MRPL1: variants seen among roughly 807,000 people sequenced by gnomAD.
The protein encoded by MRPL1 is mitochondrial ribosomal protein L1, also known as large ribosomal subunit protein uL1m.
A neutral mutation model predicts 38.0 loss-of-function variants in MRPL1; 28 were observed. The observed-to-expected ratio is 0.74, with a 90% CI of 0.55 to 1.01. The LOEUF is 1.01. Among genes scored for constraint, MRPL1 ranks in the 50% least tolerant of loss-of-function variants. The probability of loss-of-function intolerance (pLI) is 0.00; values close to 1 mark genes in which losing one functional copy is unlikely to be tolerated. For synonymous variants in MRPL1, 123 were observed against 126.7 expected (o/e 0.97, Z 0.20); for missense variants, 358 against 389.8 (o/e 0.92, Z 0.69).
chr4:77,909,200 C>G, intron 6 of MRPL1, 66 bp from the exon 7 acceptor site: 2 of 971,480 alleles, frequency 2.1e-6, no homozygotes, highest in Non-Finnish European at 3.3e-6. Flanking sequence ...ATATGTGTTT[C>G]TTTTATTCAG....
At chr4:77,885,582 G>C (rs983429330) in intron 4 of MRPL1, among the ~76,000 whole-genome samples, 2 of 152,134 alleles carry the variant, frequency 1.3e-5, no homozygotes, top group African/African-American at 2.4e-5. Context: ...GGCCGGGGTA[G>C]TCTTGATCTC....
At chr4:77,913,745 C>A (rs759097833) in intron 7 of MRPL1, among the ~76,000 whole-genome samples, 3 of 152,144 alleles carry the variant, frequency 2.0e-5, no homozygotes, top group African/African-American at 4.8e-5. Flanking sequence ...TCCAAATGTT[C>A]ACTGCAGGTG....
chr4:77,917,107 T>G (rs549967755), intron 7 of MRPL1, among the ~76,000 whole-genome samples: 2 of 152,314 alleles, frequency 1.3e-5, no homozygotes, highest in Admixed American at 6.5e-5. Context: ...GTTATTCTCT[T>G]TTACCCCTTA....
intron 7 of MRPL1, among the ~76,000 whole-genome samples, chr4:77,912,587 T>C (rs1214278134): frequency 6.6e-6 from 1 of 152,138 alleles, no homozygotes; most frequent in Non-Finnish European, 1.5e-5. Context: ...TATACCTTGT[T>C]TATGGATCAG....
chr4:77,933,337 T>G (rs1736890863), intron 7 of MRPL1, among the ~76,000 whole-genome samples: 1 of 152,120 alleles, frequency 6.6e-6, no homozygotes, highest in Admixed American at 6.5e-5. Flanking sequence ...CTCTGAGGGC[T>G]AGTTGGCCCT....
rs116290575 is a variant in MRPL1 at position 77,875,923 on chromosome 4, C to T, written c.143+4068C>T. On this transcript the variant is annotated intron_variant, in intron 2 of 8. Coordinates refer to ENST00000315567, the MANE Select transcript of MRPL1 (RefSeq NM_020236.4). ...GTGAGTAGTGCCAGTTTTCCACATGCCTAACAACCTTGGATACCATCAATC... is the reference window on the plus strand; with the variant it reads ...GTGAGTAGTGCCAGTTTTCCACATGTCTAACAACCTTGGATACCATCAATC... Among the ~76,000 whole-genome samples the T allele has an allele frequency of 5.4e-3, 818 of 152,182 alleles. 7 individuals carry two copies. Among genetic ancestry groups the T allele is most frequent in the African/African-American group, 0.019 (769 of 41,522 alleles).
At chr4:77,882,361 A>G (rs1735561959) in intron 2 of MRPL1, among the ~76,000 whole-genome samples, 2 of 152,216 alleles carry the variant, frequency 1.3e-5, no homozygotes, top group South Asian at 4.1e-4. Context: ...TCACCCATTT[A>G]AAGTGTACAG....
At chr4:77,868,298 G>A (rs1352616091) in intron 1 of MRPL1, among the ~76,000 whole-genome samples, 1 of 152,036 alleles carries the variant, frequency 6.6e-6, no homozygotes, top group Non-Finnish European at 1.5e-5. Context: ...CTGGAGTGCA[G>A]TGGCTCAATC....
intron 7 of MRPL1, 29 bp downstream of exon 7, chr4:77,909,401 T>A: frequency 7.7e-7 from 1 of 1,298,614 alleles, no homozygotes; most frequent in Non-Finnish European, 1.1e-6. Flanking sequence ...TATCAAATAA[T>A]CCTCTTTTTT....
rs538097927 is a variant in MRPL1, at chr4:77,875,694, G to A, written c.143+3839G>A. Among the ~76,000 whole-genome samples, 402 of 152,206 alleles carry A rather than the reference G, an allele frequency of 2.6e-3. 1 individual carries two copies. The highest frequency in any genetic ancestry group is 8.7e-3 in the African/African-American group (360 of 41,542). On this transcript the variant is annotated intron_variant, in intron 2 of 8. Transcript: ENST00000315567. ...ATTTTGCAGGGGAATTGGTTGAAAG[G>A]TATTTCGGTAGTGCAGAGACATGAA...
intron 7 of MRPL1, among the ~76,000 whole-genome samples, chr4:77,928,729 TG>T (rs1310473559): frequency 6.6e-6 from 1 of 152,156 alleles, no homozygotes; most frequent in Non-Finnish European, 1.5e-5. Flanking sequence ...TATATTTAGT[TG>T]GGGTGAGTCA....
In MRPL1 at chr4:77,894,159, T is replaced by C. The variant is rs899948143; in HGVS notation, c.579T>C (p.Val193=). The change falls in exon 6 of 9, where the codon GTT becomes GTC. Residue 193 remains valine, a synonymous_variant. Coordinates refer to ENST00000315567, the MANE Select transcript of MRPL1 (RefSeq NM_020236.4). ...TTCAGATTTGGGATGATGAAATTGT[T>C]GCAGACTTTTACGTAGCTGTTCCAG... The part of the protein sequence containing the change: ...LIQKIWDDEI[V]ADFYVAVPEI... 1 of 1,603,034 alleles carries C rather than the reference T, an allele frequency of 6.2e-7. No homozygotes were observed. Among genetic ancestry groups the C allele is most frequent in the Non-Finnish European group, 8.5e-7 (1 of 1,174,212 alleles).
At chr4:77,863,996 C>T (rs1735067426) in intron 1 of MRPL1, among the ~76,000 whole-genome samples, 1 of 119,234 alleles carries the variant, frequency 8.4e-6, no homozygotes, top group African/African-American at 3.8e-5. Context: ...AACACTGCAT[C>T]ACAGTTTTTT....
intron 7 of MRPL1, among the ~76,000 whole-genome samples, chr4:77,944,696 T>C (rs909171590): frequency 1.1e-4 from 17 of 152,182 alleles, no homozygotes; most frequent in Non-Finnish European, 7.3e-5. Flanking sequence ...AAAGGATTCA[T>C]TAGGCAGAGA....
chr4:77,889,658 A>C (rs1560463317), intron 5 of MRPL1, among the ~76,000 whole-genome samples: 1 of 152,234 alleles, frequency 6.6e-6, no homozygotes, highest in Admixed American at 6.5e-5. Flanking sequence ...AGATAGAGAT[A>C]CAAAAAACCC....
intron 7 of MRPL1, among the ~76,000 whole-genome samples, chr4:77,910,134 T>C (rs565466960): frequency 6.6e-6 from 1 of 152,270 alleles, no homozygotes; most frequent in African/African-American, 2.4e-5. Flanking sequence ...ATATGAGAGG[T>C]AAAATGATCA....
intron 7 of MRPL1, among the ~76,000 whole-genome samples, chr4:77,926,999 T>C (rs991517125): frequency 6.6e-6 from 1 of 152,144 alleles, no homozygotes; most frequent in Non-Finnish European, 1.5e-5. Flanking sequence ...TTAATAGCTC[T>C]TTGAAGTTTT....
At chr4:77,921,269 T>C (rs1047296743) in intron 7 of MRPL1, among the ~76,000 whole-genome samples, 5 of 152,334 alleles carry the variant, frequency 3.3e-5, no homozygotes, top group African/African-American at 4.8e-5. Context: ...TATATTGTTG[T>C]CCAGAAGTTC....
intron 7 of MRPL1, among the ~76,000 whole-genome samples, chr4:77,914,610 ATAGT>A (rs1184206658): frequency 1.3e-5 from 2 of 152,178 alleles, no homozygotes; most frequent in African/African-American, 4.8e-5. Flanking sequence ...GAATTATCTT[ATAGT>A]TAAAAATTTA....
Sources: allele counts gnomAD v4.1 joint callset (sites outside exome capture counted in the v4.1 genomes callset), GRCh38; gene constraint gnomAD v4.1.1; transcripts MANE v1.5; gene names NCBI Gene and HGNC (gene_info 2026-07-23, HGNC 2026-07-21).